CNTN1: variants seen among roughly 807,000 people sequenced by gnomAD.
CNTN1 encodes the protein contactin 1.
Under a neutral mutation model 126.4 loss-of-function variants are expected in CNTN1, and 38 were observed. That is an observed-to-expected ratio of 0.30 (90% CI 0.23 to 0.39). CNTN1 has a LOEUF of 0.39. Among genes scored for constraint, CNTN1 ranks in the 10% least tolerant of loss-of-function variants. The pLI is 1.00. For synonymous variants in CNTN1, 413 were observed against 422.6 expected (o/e 0.98, Z 0.28); for missense variants, 1,009 against 1,248.4 (o/e 0.81, Z 2.89).
rs138351560 is a variant in CNTN1 at position 40,988,692 on chromosome 12, T to C, written c.1964-4428T>C. Among the ~76,000 whole-genome samples the C allele has an allele frequency of 5.8e-3, 877 of 152,312 alleles. 9 individuals carry two copies. Among genetic ancestry groups the C allele is most frequent in the African/African-American group, 0.02 (824 of 41,572 alleles). On this transcript the variant is annotated intron_variant, in intron 16 of 23. Coordinates refer to ENST00000551295, the MANE Select transcript of CNTN1 (RefSeq NM_001843.4). Reference sequence around the variant, plus strand: ...CTTTGAATTATTGCTTACAGCTGGTTGCTAAACTGAGTACTTTGGCCTAAG... The same window carrying C: ...CTTTGAATTATTGCTTACAGCTGGTCGCTAAACTGAGTACTTTGGCCTAAG...
At chr12:40,992,400 T>C (rs544170223) in intron 16 of CNTN1, among the ~76,000 whole-genome samples, 213 of 152,296 alleles carry the variant, frequency 1.4e-3, no homozygotes, top group African/African-American at 4.8e-3. Flanking sequence ...TATGGATAGG[T>C]TGATTATTAA....
At chr12:40,871,849 A>AT (rs1237097943) in intron 1 of CNTN1, among the ~76,000 whole-genome samples, 2 of 152,004 alleles carry the variant, frequency 1.3e-5, no homozygotes, top group African/African-American at 4.8e-5. Flanking sequence ...AAAAATGCAG[A>AT]TTTTTTGGCC....
At chr12:41,021,643 T>TA (rs1948914037) in intron 20 of CNTN1, among the ~76,000 whole-genome samples, 1 of 151,874 alleles carries the variant, frequency 6.6e-6, no homozygotes, top group South Asian at 2.1e-4. Flanking sequence ...AGCTTTTTTT[T>TA]TTTTTTTTTG....
intron 1 of CNTN1, among the ~76,000 whole-genome samples, chr12:40,760,835 G>GCACA (rs1165228762): frequency 0.3 from 44,972 of 150,348 alleles, 7,069 homozygotes; most frequent in South Asian, 0.42. Flanking sequence ...TCAAAATAAT[G>GCACA]CACACACACA....
At chr12:40,871,803 G>A (rs564953004) in intron 1 of CNTN1, among the ~76,000 whole-genome samples, 11 of 152,086 alleles carry the variant, frequency 7.2e-5, no homozygotes, top group Admixed American at 2.0e-4. Flanking sequence ...TTTTCTTTTG[G>A]CTGGAGGTTA....
In CNTN1 at chr12:40,692,466, G is replaced by A. The variant is rs1042055890; in HGVS notation, c.-203G>A. The stretch of plus-strand genomic sequence containing the variant: ...GCTTCTGCTGTCAAGTAGCCAGGGT[G>A]GGCTCCGCCGAGGCGAGGAGGGGCG... On this transcript the variant is annotated 5_prime_UTR_variant, in exon 1 of 24. Coordinates refer to ENST00000551295, the MANE Select transcript of CNTN1 (RefSeq NM_001843.4). 1.3e-5 allele frequency: 2 copies of A among 152,586 alleles called. No individual in the cohort carries two copies. The highest frequency in any genetic ancestry group is 1.9e-4 in the East Asian group (1 of 5,210). 9.5% of individuals were successfully genotyped at this position (152,586 alleles called of 1,614,324 possible). A position where few individuals can be genotyped will look rare whatever the true frequency, so the allele number is the denominator to read the frequency against.
Position 40,964,525 on chromosome 12 carries a change from A to AGTGTGTGTGTGTGT in CNTN1, c.1804+5313_1804+5326dup, listed in dbSNP as rs369450437. Among the ~76,000 whole-genome samples the AGTGTGTGTGTGTGT allele has an allele frequency of 8.6e-4, 90 of 104,820 alleles. 1 individual carries two copies. The highest frequency in any genetic ancestry group is 2.3e-3 in the Admixed American group (20 of 8,806). The allele number at this position is 104,820 out of a possible 152,430, so 68.8% of individuals were successfully genotyped here. ...TTTAGGTGAAAACACCGTGTAAGTG[A>AGTGTGTGTGTGTGT]GTGTGTGTGTGTGTGTGTGTGTGTG... is the stretch of plus-strand genomic sequence containing the variant. On this transcript the variant is annotated intron_variant, in intron 15 of 23. Transcript: ENST00000551295.
At chr12:41,021,876 T>C (rs1171062271) in intron 20 of CNTN1, among the ~76,000 whole-genome samples, 2 of 152,072 alleles carry the variant, frequency 1.3e-5, no homozygotes, top group African/African-American at 4.8e-5. Context: ...ACGCCTGAGG[T>C]ATCTTTGGGA....
intron 15 of CNTN1, among the ~76,000 whole-genome samples, chr12:40,965,223 C>G (rs1377846513): frequency 6.6e-6 from 1 of 152,060 alleles, no homozygotes; most frequent in East Asian, 1.9e-4. Context: ...TATGGGTTAT[C>G]TAGAAAGTTC....
intron 1 of CNTN1, among the ~76,000 whole-genome samples, chr12:40,694,890 A>G (rs1455861197): frequency 3.3e-5 from 5 of 152,188 alleles, no homozygotes; most frequent in African/African-American, 4.8e-5. Flanking sequence ...GCATGTTTCT[A>G]TCATGGGGAT....
intron 15 of CNTN1, chr12:40,971,433 G>A: frequency 6.3e-7 from 1 of 1,594,676 alleles, no homozygotes; most frequent in Non-Finnish European, 8.5e-7. Context: ...TCCTCTTGCA[G>A]GTAAAAACAG....
chr12:40,737,753 C>A (rs1192174025), intron 1 of CNTN1, among the ~76,000 whole-genome samples: 2 of 151,876 alleles, frequency 1.3e-5, no homozygotes, highest in Non-Finnish European at 2.9e-5. Flanking sequence ...CAGTATTAAC[C>A]ATCACACAAT....
At chr12:40,755,444 C>CG (rs1304201890) in intron 1 of CNTN1, among the ~76,000 whole-genome samples, 3 of 149,824 alleles carry the variant, frequency 2.0e-5, no homozygotes. Flanking sequence ...CTGGGCAAGG[C>CG]GGGTCACATG....
At chr12:40,826,650 C>T (rs996024645) in intron 1 of CNTN1, among the ~76,000 whole-genome samples, 3 of 152,162 alleles carry the variant, frequency 2.0e-5, no homozygotes, top group African/African-American at 7.2e-5. Flanking sequence ...ACCCCTACTA[C>T]CTTCAAGGGC....
At chr12:40,933,092 CTCTCT>C (rs918030273) in intron 7 of CNTN1, among the ~76,000 whole-genome samples, 4 of 151,522 alleles carry the variant, frequency 2.6e-5, no homozygotes, top group African/African-American at 9.7e-5. Context: ...TTCTTTTCTA[CTCTCT>C]TCTCCTTCTT....
Position 40,706,379 on chromosome 12 carries a change from C to T in CNTN1, c.-77+13787C>T, listed in dbSNP as rs547643361. Among the ~76,000 whole-genome samples, 6 of 151,350 alleles carry T rather than the reference C, an allele frequency of 4.0e-5. No individual in the cohort carries two copies. In the South Asian group the frequency reaches 1.3e-3, roughly 32 times the overall value. On this transcript the variant is annotated intron_variant, in intron 1 of 23. Coordinates refer to ENST00000551295, the MANE Select transcript of CNTN1 (RefSeq NM_001843.4). ...CATGCCATTTTTCAGGAAGGTTCTCCTGGCCTGACTTCTCCCAGGCAGATC... is the reference window on the plus strand; with the variant it reads ...CATGCCATTTTTCAGGAAGGTTCTCTTGGCCTGACTTCTCCCAGGCAGATC...
Position 41,059,158 on chromosome 12 carries a change from T to TCTTAATACCAAATACCAAATCTTAATGCC in CNTN1, c.2981-10784_2981-10756dup, listed in dbSNP as rs1323927024. On this transcript the variant is annotated intron_variant, in intron 23 of 23. Coordinates refer to ENST00000551295, the MANE Select transcript of CNTN1 (RefSeq NM_001843.4). ...AAATACCAATACACTAGGAGAAAAA[T>TCTTAATACCAAATACCAAATCTTAATGCC]CTTAATACCAAATACCAAATCTTAA... Among the ~76,000 whole-genome samples, 278 of 151,938 alleles carry TCTTAATACCAAATACCAAATCTTAATGCC rather than the reference T, an allele frequency of 1.8e-3. 4 individuals are homozygous for TCTTAATACCAAATACCAAATCTTAATGCC. The highest frequency in any genetic ancestry group is 6.5e-3 in the African/African-American group (270 of 41,404).
intron 1 of CNTN1, among the ~76,000 whole-genome samples, chr12:40,833,037 G>A (rs1253801390): frequency 6.6e-6 from 1 of 151,958 alleles, no homozygotes; most frequent in East Asian, 1.9e-4. Flanking sequence ...TCTCTGCTCT[G>A]GTGATCTGTG....
At chr12:40,822,397 C>T (rs566041648) in intron 1 of CNTN1, among the ~76,000 whole-genome samples, 24 of 151,556 alleles carry the variant, frequency 1.6e-4, no homozygotes, top group East Asian at 5.8e-4. Context: ...TCAGGTGATC[C>T]GCTCGCCTCG....
Sources: gnomAD v4.1 joint callset for allele counts (sites outside exome capture counted in the v4.1 genomes callset) on GRCh38, gnomAD v4.1.1 for gene constraint, MANE v1.5 for transcripts, NCBI Gene and HGNC (gene_info 2026-07-23, HGNC 2026-07-21) for gene names.